Variants in VIPAS39 observed in about 807,000 individuals in gnomAD.
VIPAS39 encodes spermatogenesis-defective protein 39 homolog.
A neutral mutation model predicts 84.7 loss-of-function variants in VIPAS39; 63 were observed. The observed-to-expected ratio is 0.74, with a 90% CI of 0.61 to 0.92. The LOEUF is 0.92. Ranked by LOEUF, VIPAS39 falls within the 40% of genes least tolerant of loss-of-function variation. The pLI, the probability that VIPAS39 is intolerant of heterozygous loss-of-function variation, is 0.00. For synonymous variants in VIPAS39, 192 were observed against 216.5 expected, an observed-to-expected ratio of 0.89 and a Z score of 0.99; for missense variants, 499 against 604.5, an observed-to-expected ratio of 0.83 and a Z score of 1.83.
chr14:77,437,729 C>T, intron 12 of VIPAS39, 79 bp downstream of exon 12: 2 of 1,449,672 alleles, frequency 1.4e-6, no homozygotes, highest in Non-Finnish European at 9.7e-7. Flanking sequence ...CCTGCCTATC[C>T]ATTCCACCCT....
chr14:77,435,413 G>GA lies in VIPAS39; in HGVS notation c.913-21_913-20insT. Reference sequence around the variant, plus strand: ...ATTTGCCTGTGGTGGAGTGAGCCAAGTGAAAAAAAAAAAAAACAATGTCCA... The same window carrying GA: ...ATTTGCCTGTGGTGGAGTGAGCCAAGATGAAAAAAAAAAAAAACAATGTCCA... On this transcript the variant is annotated intron_variant, in intron 13 of 19. Transcript: ENST00000557658. The GA allele has an allele frequency of 2.3e-6, 2 of 853,704 alleles. No homozygotes were observed. The highest frequency in any genetic ancestry group is 3.2e-6 in the Non-Finnish European group (2 of 622,682). The allele number at this position is 853,704 out of a possible 1,614,324, so 52.9% of individuals were successfully genotyped here. A position where few individuals can be genotyped will look rare whatever the true frequency, so the allele number is the denominator to read the frequency against.
At chr14:77,448,700 G>T in intron 6 of VIPAS39, 150 bp from the exon 7 acceptor site, 2 of 875,176 alleles carry the variant, frequency 2.3e-6, no homozygotes, top group Non-Finnish European at 1.8e-6. Flanking sequence ...AAATGGGACG[G>T]TTTTGTTTTG....
intron 16 of VIPAS39, among the ~76,000 whole-genome samples, chr14:77,432,415 T>C (rs1325002211): frequency 1.3e-5 from 2 of 152,124 alleles, no homozygotes; most frequent in South Asian, 2.1e-4. Flanking sequence ...AATCCCACTA[T>C]TGCATATAAA....
At chr14:77,435,164 A>G (rs2078587271) in intron 14 of VIPAS39, 95 bp downstream of exon 14, 2 of 1,576,890 alleles carry the variant, frequency 1.3e-6, no homozygotes, top group Admixed American at 3.3e-5. Flanking sequence ...AACTATACAT[A>G]CCCATTATTA....
At position 77,443,253 on chromosome 14, in the gene VIPAS39, G is replaced by A. The variant is rs1394052238; in HGVS notation, c.598-101C>T. 5 of 1,402,100 alleles carry A rather than the reference G, an allele frequency of 3.6e-6. No homozygotes were observed. In the Admixed American group the frequency reaches 6.9e-5, roughly 19 times the overall value. 86.9% of individuals were successfully genotyped at this position (1,402,100 alleles called of 1,614,324 possible). ...CAGCAACTCATTAGCAATCTCTGAA[G>A]GTATAGCCAACAGCTCTGTATGTGA... is the stretch of plus-strand genomic sequence containing the variant. On this transcript the variant is annotated intron_variant, in intron 8 of 19. Coordinates refer to ENST00000557658, the MANE Select transcript of VIPAS39 (RefSeq NM_001193315.2).
In VIPAS39 at chr14:77,455,441, C is replaced by T. The variant is rs576803014; in HGVS notation, c.1-1339G>A. Among the ~76,000 whole-genome samples, 6 of 152,310 alleles carry T rather than the reference C, an allele frequency of 3.9e-5. No individual in the cohort carries two copies. The South Asian group carries it at 1.2e-3, about 32-fold the overall frequency. ...TCGAGGCTGCTATGAGCTGAGATTACACCACTGCACTCCAGCCTGGGTGAC... is the reference window on the plus strand; with the variant it reads ...TCGAGGCTGCTATGAGCTGAGATTATACCACTGCACTCCAGCCTGGGTGAC... On this transcript the variant is annotated intron_variant, in intron 1 of 19. Transcript: ENST00000557658.
chr14:77,431,906 C>T (rs762342884), intron 16 of VIPAS39, among the ~76,000 whole-genome samples: 1 of 151,990 alleles, frequency 6.6e-6, no homozygotes, highest in Non-Finnish European at 1.5e-5. Context: ...ATAAATAATT[C>T]CCTCTCCCTA....
At chr14:77,457,254 C>CT (rs1431094489) in intron 1 of VIPAS39, 1 of 1,534,432 alleles carries the variant, frequency 6.5e-7, no homozygotes, top group African/African-American at 1.4e-5. Context: ...CAGCGGATCC[C>CT]TGGCAGAGTT....
At chr14:77,438,608 TA>T (rs1566728213) in intron 11 of VIPAS39, among the ~76,000 whole-genome samples, 1 of 152,174 alleles carries the variant, frequency 6.6e-6, no homozygotes, top group Non-Finnish European at 1.5e-5. Flanking sequence ...GTAGATAGAG[TA>T]CCAAGCTTTA....
chr14:77,432,111 T>A (rs1458454042), intron 16 of VIPAS39, among the ~76,000 whole-genome samples: 1 of 152,160 alleles, frequency 6.6e-6, no homozygotes, highest in East Asian at 1.9e-4. Context: ...TTTTAGCTGT[T>A]TTTGCCACAA....
chr14:77,448,381 TC>T, intron 7 of VIPAS39, 112 bp downstream of exon 7: 2 of 1,110,716 alleles, frequency 1.8e-6, no homozygotes, highest in African/African-American at 3.1e-5. Context: ...GGATTTATTT[TC>T]CCCCTGAAAT....
chr14:77,452,554 C>T (rs138884509), intron 3 of VIPAS39, among the ~76,000 whole-genome samples: 2,845 of 151,868 alleles, frequency 0.019, 84 homozygotes, highest in African/African-American at 0.065. Context: ...CCAAGGCAGG[C>T]GGATCACTTG....
intron 10 of VIPAS39, 73 bp from the exon 11 acceptor site, chr14:77,441,166 T>C (rs891795031): frequency 9.6e-6 from 15 of 1,561,822 alleles, no homozygotes; most frequent in East Asian, 2.3e-5. Context: ...CAAAATCGAG[T>C]GCCTCCTCTA....
chr14:77,432,769 A>G (rs957239891), intron 16 of VIPAS39, among the ~76,000 whole-genome samples: 2 of 152,226 alleles, frequency 1.3e-5, no homozygotes, highest in African/African-American at 4.8e-5. Flanking sequence ...CAAAGGATAC[A>G]AAGTTGTAGT....
At chr14:77,439,810 T>C (rs746273230) in intron 11 of VIPAS39, among the ~76,000 whole-genome samples, 14 of 152,028 alleles carry the variant, frequency 9.2e-5, no homozygotes, top group Admixed American at 8.5e-4. Flanking sequence ...GTATTATATA[T>C]ATAATTATGC....
At chr14:77,439,449 G>C (rs2078665611) in intron 11 of VIPAS39, among the ~76,000 whole-genome samples, 1 of 152,116 alleles carries the variant, frequency 6.6e-6, no homozygotes, top group Non-Finnish European at 1.5e-5. Flanking sequence ...GGATTTTTCA[G>C]ATTCTCTCAT....
chr14:77,437,959 T>G (rs983399107), intron 11 of VIPAS39, 78 bp from the exon 12 acceptor site: 21 of 1,466,366 alleles, frequency 1.4e-5, no homozygotes, highest in Non-Finnish European at 1.9e-5. Context: ...GAACTTCCCA[T>G]GCTTTAAAAA....
At chr14:77,435,532 C>G (rs2078597088) in intron 13 of VIPAS39, 139 bp from the exon 14 acceptor site, 1 of 1,194,430 alleles carries the variant, frequency 8.4e-7, no homozygotes, top group Admixed American at 2.7e-5. Flanking sequence ...AAAGAAATTG[C>G]CTAGGATATC....
At chr14:77,457,451 G>C (rs1423626655) in intron 1 of VIPAS39, 44 bp downstream of exon 1, 4 of 1,504,528 alleles carry the variant, frequency 2.7e-6, no homozygotes, top group Non-Finnish European at 3.6e-6. Context: ...GGAGAGGCTG[G>C]ATCCAGCCAG....
Sources: gnomAD v4.1 joint callset for allele counts (sites outside exome capture counted in the v4.1 genomes callset) on GRCh38, gnomAD v4.1.1 for gene constraint, MANE v1.5 for transcripts, NCBI Gene and HGNC (gene_info 2026-07-23, HGNC 2026-07-21) for gene names.